The following PDE11A variants were observed in gnomAD, a reference collection of about 807,000 sequenced individuals.
PDE11A encodes the protein dual 3',5'-cyclic-AMP and -GMP phosphodiesterase 11A.
PDE11A carries 100 observed loss-of-function variants against 100.5 expected under a neutral mutation model. The observed-to-expected ratio is 1.00, with a 90% confidence interval of 0.85 to 1.18. The LOEUF is 1.18. Among genes scored for constraint, PDE11A ranks in the 50% most tolerant of loss-of-function variants. PDE11A has a pLI of 0.00. For synonymous variants in PDE11A, 381 were observed against 420.8 expected, an observed-to-expected ratio of 0.91 and a Z score of 1.16; for missense variants, 1,141 against 1,152.6, an observed-to-expected ratio of 0.99 and a Z score of 0.15.
At chr2:178,016,564 TTATA>T (rs147608152) in intron 1 of PDE11A, among the ~76,000 whole-genome samples, 3,923 of 152,180 alleles carry the variant, frequency 0.026, 148 homozygotes, top group African/African-American at 0.089. Context: ...AGATGTATAT[TTATA>T]TATTGTGGTA....
intron 5 of PDE11A, among the ~76,000 whole-genome samples, chr2:177,854,590 G>A (rs2083796431): frequency 6.6e-6 from 1 of 152,070 alleles, no homozygotes; most frequent in African/African-American, 2.4e-5. Flanking sequence ...ATGATTCCCT[G>A]AGAGATGTGC....
chr2:177,706,578 T>C (rs1386345067), intron 13 of PDE11A, among the ~76,000 whole-genome samples: 1 of 152,226 alleles, frequency 6.6e-6, no homozygotes, highest in Non-Finnish European at 1.5e-5. Flanking sequence ...CTAAAAAGCC[T>C]CTTTCAGCAT....
chr2:177,915,044 T>A lies in PDE11A; in HGVS notation c.1072-9857A>T, dbSNP rs142380144. On this transcript the variant is annotated intron_variant, in intron 2 of 19. Transcript: ENST00000286063. ...AAAATTTTGTTTTAAAGAAGTAGATTTTTTTTAGGGCAGTTTTAGGTTTAC... is the reference window on the plus strand; with the variant it reads ...AAAATTTTGTTTTAAAGAAGTAGATATTTTTTAGGGCAGTTTTAGGTTTAC... 5.0e-4 allele frequency among the ~76,000 whole-genome samples: 76 copies of A among 152,242 alleles called. No homozygotes were observed. The East Asian group carries it at 9.5e-3, about 19-fold the overall frequency.
chr2:177,664,106 A>G (rs75461311), intron 18 of PDE11A, among the ~76,000 whole-genome samples, 157 bp from the exon 19 acceptor site: 4,661 of 152,268 alleles, frequency 0.031, 165 homozygotes, highest in African/African-American at 0.091. Context: ...TCCTTTATCT[A>G]TGATGAGAAA....
chr2:177,906,180 C>T (rs1194213689), intron 2 of PDE11A, among the ~76,000 whole-genome samples: 1 of 57,960 alleles, frequency 1.7e-5, no homozygotes, highest in East Asian at 3.4e-4. Flanking sequence ...CACACACACA[C>T]GCACGCACGC....
intron 19 of PDE11A, among the ~76,000 whole-genome samples, chr2:177,643,280 A>G (rs2080172851): frequency 6.6e-6 from 1 of 152,226 alleles, no homozygotes; most frequent in African/African-American, 2.4e-5. Context: ...AGGCTTGTTG[A>G]GTGGCTCTGA....
chr2:177,736,828 G>GT (rs2081791387), intron 10 of PDE11A, among the ~76,000 whole-genome samples: 1 of 152,252 alleles, frequency 6.6e-6, no homozygotes, highest in South Asian at 2.1e-4. Flanking sequence ...GAGCGGTAAG[G>GT]ACTTTAGCTC....
intron 2 of PDE11A, among the ~76,000 whole-genome samples, chr2:177,993,834 G>GA (rs2105812054): frequency 6.6e-6 from 1 of 151,018 alleles, no homozygotes; most frequent in East Asian, 1.9e-4. Context: ...CATCTATAAA[G>GA]AAAAAAATTT....
chr2:177,686,898 G>A (rs1055520826), intron 15 of PDE11A: 6 of 151,806 alleles, frequency 4.0e-5, no homozygotes, highest in African/African-American at 1.5e-4. Flanking sequence ...TTAATTTTTA[G>A]TAGAGATGGT....
intron 1 of PDE11A, among the ~76,000 whole-genome samples, chr2:178,042,408 T>C (rs1022259626): frequency 3.3e-5 from 5 of 151,626 alleles, no homozygotes; most frequent in Admixed American, 6.6e-5. Context: ...AGTCCAGGAG[T>C]TTAAGGCTGC....
At chr2:177,819,765 A>G (rs1347731909) in intron 7 of PDE11A, among the ~76,000 whole-genome samples, 1 of 152,006 alleles carries the variant, frequency 6.6e-6, no homozygotes, top group Non-Finnish European at 1.5e-5. Flanking sequence ...TTGACATAGT[A>G]AGAAAGTCTG....
At chr2:177,632,152 A>C (rs1437115668) in intron 19 of PDE11A, among the ~76,000 whole-genome samples, 1 of 152,222 alleles carries the variant, frequency 6.6e-6, no homozygotes, top group African/African-American at 2.4e-5. Context: ...AGGATGTAAC[A>C]TAAAAGGGAA....
chr2:177,932,168 T>C (rs1218353382), intron 2 of PDE11A, among the ~76,000 whole-genome samples: 1 of 152,054 alleles, frequency 6.6e-6, no homozygotes, highest in Non-Finnish European at 1.5e-5. Flanking sequence ...GAATCAGTAA[T>C]AAAAATCCTA....
At chr2:177,896,976 ATT>A (rs961276891) in intron 4 of PDE11A, among the ~76,000 whole-genome samples, 2 of 152,188 alleles carry the variant, frequency 1.3e-5, no homozygotes, top group African/African-American at 4.8e-5. Flanking sequence ...ACTCCTAAAC[ATT>A]TTAGACATAT....
At chr2:177,999,263 A>G (rs1332259361) in intron 2 of PDE11A, among the ~76,000 whole-genome samples, 3 of 152,184 alleles carry the variant, frequency 2.0e-5, no homozygotes, top group Non-Finnish European at 4.4e-5. Context: ...AACCACTGAA[A>G]AGAAGCAATG....
At chr2:177,782,535 G>T (rs2082468476) in intron 9 of PDE11A, among the ~76,000 whole-genome samples, 1 of 152,110 alleles carries the variant, frequency 6.6e-6, no homozygotes, top group Non-Finnish European at 1.5e-5. Context: ...GAAATTCAAA[G>T]CCTTTTTCAA....
At chr2:177,857,655 T>C (rs1376574682) in intron 5 of PDE11A, among the ~76,000 whole-genome samples, 1 of 151,714 alleles carries the variant, frequency 6.6e-6, no homozygotes, top group Non-Finnish European at 1.5e-5. Flanking sequence ...AGAAAACAAA[T>C]ACAGAAAAGG....
chr2:177,917,148 C>T (rs560005391), intron 2 of PDE11A, among the ~76,000 whole-genome samples: 1 of 152,112 alleles, frequency 6.6e-6, no homozygotes, highest in East Asian at 1.9e-4. Flanking sequence ...TCCCCTTGTC[C>T]TTCCAAAGAA....
At position 177,675,647 on chromosome 2, in the gene PDE11A, C is replaced by T. The variant is rs1209823337; in HGVS notation, c.2424-129G>A. 4 of 743,914 alleles carry T rather than the reference C, an allele frequency of 5.4e-6. No homozygotes were observed. The Admixed American group carries it at 8.0e-5, about 15-fold the overall frequency. The allele number at this position is 743,914 out of a possible 1,614,324, so 46.1% of individuals were successfully genotyped here. ...CCAGCTCACATCTTCCTTTCCTCAA[C>T]AAGGGGCAGCACTGTTTATAGTCCC... On this transcript the variant is annotated intron_variant, in intron 16 of 19. Transcript: ENST00000286063.
Sources: gnomAD v4.1 joint callset for allele counts (sites outside exome capture counted in the v4.1 genomes callset) on GRCh38, gnomAD v4.1.1 for gene constraint, MANE v1.5 for transcripts, NCBI Gene and HGNC (gene_info 2026-07-23, HGNC 2026-07-21) for gene names.